VWA3B: variants seen among roughly 807,000 people sequenced by gnomAD.
VWA3B encodes the protein von Willebrand factor A domain-containing protein 3B.
Under a neutral mutation model 158.3 loss-of-function variants are expected in VWA3B, and 138 were observed. The observed-to-expected ratio is 0.87, with a 90% CI of 0.76 to 1.00. The LOEUF (loss-of-function observed/expected upper bound fraction) is 1.00, where lower values mean the gene tolerates loss of function less well. Ranked by LOEUF, VWA3B falls within the 50% of genes least tolerant of loss-of-function variation. The probability of loss-of-function intolerance (pLI) is 0.00; values close to 1 mark genes in which losing one functional copy is unlikely to be tolerated. For synonymous variants in VWA3B, 596 were observed against 587.3 expected (o/e 1.01, Z -0.21); for missense variants, 1,555 against 1,565.1 (o/e 0.99, Z 0.11).
chr2:98,104,368 G>A (rs938674204), intron 2 of VWA3B, among the ~76,000 whole-genome samples: 5 of 152,150 alleles, frequency 3.3e-5, no homozygotes, highest in Non-Finnish European at 7.4e-5. Flanking sequence ...AGAAGGCAAA[G>A]GAGAGTTGGT....
At position 98,098,990 on chromosome 2, in the gene VWA3B, C is replaced by G. The variant is rs561240859; in HGVS notation, c.196+5702C>G. 2.0e-5 allele frequency among the ~76,000 whole-genome samples: 3 copies of G among 152,214 alleles called. No homozygotes were observed. In the South Asian group the frequency reaches 6.2e-4, roughly 32 times the overall value. On this transcript the variant is annotated intron_variant, in intron 2 of 27. Coordinates refer to ENST00000477737, the MANE Select transcript of VWA3B (RefSeq NM_144992.5). ...CACAAAAACCTTCTAAACTTTAACT[C>G]TATCCCCCAATTTTGAATTTTTGAT...
chr2:98,121,360 G>C lies in VWA3B; in HGVS notation c.604G>C (p.Ala202Pro), dbSNP rs1674946572. The change falls in exon 5 of 28, where the codon GCT becomes CCT. Residue 202 changes from alanine (A) to proline (P), a missense_variant. Transcript: ENST00000477737. ...NATPVTEQSI[A>P]TAISWVEKLT... is the part of the protein sequence containing the mutation. ...TACTCCTGTGACCGAACAGTCCATAGCTACTGCCATCAGTTGGGTTGAGAA... is the reference window on the plus strand; with the variant it reads ...TACTCCTGTGACCGAACAGTCCATACCTACTGCCATCAGTTGGGTTGAGAA... The C allele has an allele frequency of 1.2e-6, 2 of 1,614,224 alleles. No homozygotes were observed. The highest frequency in any genetic ancestry group is 1.7e-6 in the Non-Finnish European group (2 of 1,180,046).
chr2:98,097,275 A>G (rs1185444496), intron 2 of VWA3B, among the ~76,000 whole-genome samples: 1 of 152,182 alleles, frequency 6.6e-6, no homozygotes, highest in African/African-American at 2.4e-5. Context: ...TGAGTCTCCA[A>G]ATTCCATTGT....
At chr2:98,216,805 C>A (rs1684043847) in intron 13 of VWA3B, 1 of 563,392 alleles carries the variant, frequency 1.8e-6, no homozygotes, top group African/African-American at 1.9e-5. Flanking sequence ...GAGGGAGTAT[C>A]AGTTCTGAGC....
chr2:98,309,511 A>G (rs139727288), intron 26 of VWA3B, among the ~76,000 whole-genome samples: 1 of 152,276 alleles, frequency 6.6e-6, no homozygotes, highest in East Asian at 1.9e-4. Context: ...ACAAAATATT[A>G]GCCTCTCATT....
At chr2:98,166,462 C>T (rs1186331689) in intron 8 of VWA3B, among the ~76,000 whole-genome samples, 1 of 152,130 alleles carries the variant, frequency 6.6e-6, no homozygotes, top group East Asian at 1.9e-4. Context: ...GAGCCCTCTC[C>T]CCAGAAGCAC....
chr2:98,139,102 C>T (rs1676517650), intron 7 of VWA3B, among the ~76,000 whole-genome samples: 1 of 152,216 alleles, frequency 6.6e-6, no homozygotes, highest in South Asian at 2.1e-4. Context: ...TCGGAGCAGC[C>T]GGCCGGCCCT....
chr2:98,183,978 A>G (rs1000085721), intron 9 of VWA3B, among the ~76,000 whole-genome samples: 5 of 152,158 alleles, frequency 3.3e-5, no homozygotes, highest in Admixed American at 3.3e-4. Flanking sequence ...GAACGCTTCT[A>G]TGCTTTATAT....
rs957588614 is a variant in VWA3B, at chr2:98,133,752, C to T, written c.873-72C>T. The T allele has an allele frequency of 3.7e-6, 5 of 1,340,864 alleles. No homozygotes were observed. In the African/African-American group the frequency reaches 7.2e-5, roughly 19 times the overall value. 83.1% of individuals were successfully genotyped at this position (1,340,864 alleles called of 1,614,324 possible). A position where few individuals can be genotyped will look rare whatever the true frequency, so the allele number is the denominator to read the frequency against. On this transcript the variant is annotated intron_variant, in intron 6 of 27. Coordinates refer to ENST00000477737, the MANE Select transcript of VWA3B (RefSeq NM_144992.5). ...AGTGCTGCCGAAGAGCACGTTCAGT[C>T]CCAGGAGAAGGAACAAGCATGCACG... is the stretch of plus-strand genomic sequence containing the variant.
At chr2:98,302,102 C>T (rs1690236020) in intron 25 of VWA3B, among the ~76,000 whole-genome samples, 1 of 152,176 alleles carries the variant, frequency 6.6e-6, no homozygotes, top group Admixed American at 6.5e-5. Context: ...CCAGCCGGCT[C>T]CATGAGCTTG....
intron 2 of VWA3B, among the ~76,000 whole-genome samples, chr2:98,106,047 C>G (rs1209453462): frequency 6.6e-6 from 1 of 151,974 alleles, no homozygotes; most frequent in Non-Finnish European, 1.5e-5. Flanking sequence ...TCCCAAGTAG[C>G]TGGGAATACA....
At chr2:98,154,371 C>T (rs960742438) in intron 7 of VWA3B, among the ~76,000 whole-genome samples, 2 of 152,176 alleles carry the variant, frequency 1.3e-5, no homozygotes, top group Admixed American at 6.5e-5. Context: ...TCCTTCCCTC[C>T]ATTACTGCAG....
intron 2 of VWA3B, among the ~76,000 whole-genome samples, chr2:98,103,348 T>C (rs1257337987): frequency 6.6e-6 from 1 of 152,150 alleles, no homozygotes; most frequent in Non-Finnish European, 1.5e-5. Context: ...TTTGCATTCC[T>C]TTTTCCTGCT....
chr2:98,179,971 T>C (rs1485557954), intron 8 of VWA3B, among the ~76,000 whole-genome samples: 2 of 137,508 alleles, frequency 1.5e-5, no homozygotes, highest in South Asian at 2.4e-4. Flanking sequence ...CTTTCCTTCA[T>C]CTATCTCCTT....
chr2:98,304,021 T>C (rs1690361617), intron 26 of VWA3B, among the ~76,000 whole-genome samples: 3 of 152,208 alleles, frequency 2.0e-5, no homozygotes, highest in Non-Finnish European at 4.4e-5. Context: ...AAATTCTACA[T>C]TATTTGACCC....
At chr2:98,135,319 A>AT (rs1676179357) in intron 7 of VWA3B, among the ~76,000 whole-genome samples, 8 of 106,434 alleles carry the variant, frequency 7.5e-5, no homozygotes, top group Non-Finnish European at 1.2e-4. Flanking sequence ...ATACAAAAAC[A>AT]TTTTTCTTTT....
intron 1 of VWA3B, among the ~76,000 whole-genome samples, chr2:98,087,751 A>G (rs905658346): frequency 3.3e-5 from 5 of 152,248 alleles, no homozygotes; most frequent in African/African-American, 1.2e-4. Context: ...CATTTCCTGA[A>G]CATAAGGATA....
intron 25 of VWA3B, 80 bp from the exon 26 acceptor site, chr2:98,303,622 G>C: frequency 7.5e-7 from 1 of 1,327,498 alleles, no homozygotes; most frequent in South Asian, 1.2e-5. Flanking sequence ...TATTATAATG[G>C]GTTGAGCTAG....
chr2:98,135,325 C>CT (rs397873615), intron 7 of VWA3B, among the ~76,000 whole-genome samples: 1,283 of 96,350 alleles, frequency 0.013, 90 homozygotes, highest in Non-Finnish European at 0.019. Flanking sequence ...AAACATTTTT[C>CT]TTTTTTTTTT....
Sources: gnomAD v4.1 joint callset for allele counts (sites outside exome capture counted in the v4.1 genomes callset) on GRCh38, gnomAD v4.1.1 for gene constraint, MANE v1.5 for transcripts, NCBI Gene and HGNC (gene_info 2026-07-23, HGNC 2026-07-21) for gene names.